The following CCDC88A variants were observed in gnomAD, a reference collection of about 807,000 sequenced individuals.
CCDC88A encodes girdin.
CCDC88A carries 54 observed loss-of-function variants against 234.3 expected under a neutral mutation model. The ratio of observed to expected loss-of-function variants is 0.23; its 90% CI spans 0.19 to 0.29. CCDC88A has a LOEUF of 0.29. Ranked by LOEUF, CCDC88A falls within the 10% of genes least tolerant of loss-of-function variation. CCDC88A has a pLI of 1.00. For synonymous variants in CCDC88A, 753 were observed against 737.8 expected, an observed-to-expected ratio of 1.02 and a Z score of -0.33; for missense variants, 1,832 against 2,123.4, an observed-to-expected ratio of 0.86 and a Z score of 2.70.
At chr2:55,346,386 A>C in intron 9 of CCDC88A, 53 bp from the exon 10 acceptor site, 1 of 1,017,004 alleles carries the variant, frequency 9.8e-7, no homozygotes, top group Non-Finnish European at 1.4e-6. Context: ...TCAACTTGTT[A>C]TTCTTTGTTG....
At chr2:55,303,880 C>CT (rs1273078968) in intron 25 of CCDC88A, among the ~76,000 whole-genome samples, 1 of 152,092 alleles carries the variant, frequency 6.6e-6, no homozygotes, top group Non-Finnish European at 1.5e-5. Context: ...ACTATTTTAA[C>CT]TTTTTAAACA....
At chr2:55,321,327 C>T (rs570252496) in intron 18 of CCDC88A, among the ~76,000 whole-genome samples, 1 of 151,924 alleles carries the variant, frequency 6.6e-6, no homozygotes, top group African/African-American at 2.4e-5. Flanking sequence ...CCAAGGTGGG[C>T]GGATCATGAG....
chr2:55,361,620 C>T lies in CCDC88A; in HGVS notation c.627+688G>A, dbSNP rs559398573. On this transcript the variant is annotated intron_variant, in intron 7 of 32. Coordinates refer to ENST00000436346, the MANE Select transcript of CCDC88A (RefSeq NM_001365480.1). Reference sequence around the variant, plus strand: ...CTCAAAACTGTCTCTCACATGTAAACGAAACTGATAAAAGCTATATATTCT... The same window carrying T: ...CTCAAAACTGTCTCTCACATGTAAATGAAACTGATAAAAGCTATATATTCT... Among the ~76,000 whole-genome samples the T allele has an allele frequency of 1.7e-4, 26 of 152,218 alleles. No individual in the cohort carries two copies. The South Asian group carries it at 3.5e-3, about 21-fold the overall frequency.
chr2:55,296,184 A>AT, intron 30 of CCDC88A, 74 bp downstream of exon 30: 2 of 1,472,378 alleles, frequency 1.4e-6, no homozygotes, highest in Non-Finnish European at 1.8e-6. Flanking sequence ...AAAAAAAAAA[A>AT]GCTCTGAAGT....
intron 2 of CCDC88A, chr2:55,418,431 G>C (rs1235399413): frequency 2.7e-5 from 5 of 188,628 alleles, no homozygotes; most frequent in African/African-American, 9.4e-5. Flanking sequence ...AGGTTAATAA[G>C]AAACATTTCT....
At position 55,388,840 on chromosome 2, in the gene CCDC88A, CATT is replaced by C. The variant is rs1676132154; in HGVS notation, c.208_210del (p.Asn70del). 6.5e-7 allele frequency: 1 copy of C among 1,540,268 alleles called. No individual in the cohort carries two copies. Among genetic ancestry groups the C allele is most frequent in the East Asian group, 2.4e-5 (1 of 42,280 alleles). Reference sequence around the variant, plus strand: ...AGATTGTGCATTCTAAGTGAGGCATCATTATTGACTTTTTTATTTACTCTCTGA... The same window carrying C: ...AGATTGTGCATTCTAAGTGAGGCATCATTGACTTTTTTATTTACTCTCTGA... On this transcript the variant is annotated inframe_deletion, in exon 3 of 33. Transcript: ENST00000436346.
intron 23 of CCDC88A, 111 bp downstream of exon 23, chr2:55,312,323 A>C: frequency 1.1e-6 from 1 of 923,444 alleles, no homozygotes; most frequent in Non-Finnish European, 1.6e-6. Flanking sequence ...GCACTCAAAA[A>C]TATTTGTTGA....
intron 16 of CCDC88A, chr2:55,331,870 C>G (rs1462315228): frequency 6.6e-6 from 1 of 152,014 alleles, no homozygotes; most frequent in African/African-American, 2.4e-5. Flanking sequence ...TTTAAGTCAA[C>G]ATTTTGGCAA....
chr2:55,326,234 C>T (rs1684246883), intron 17 of CCDC88A, among the ~76,000 whole-genome samples: 1 of 151,528 alleles, frequency 6.6e-6, no homozygotes, highest in Non-Finnish European at 1.5e-5. Context: ...CCAGGCTGGT[C>T]TCAAACCCCT....
rs1398591801 is a variant in CCDC88A, at chr2:55,288,756, T to TG, written c.*2443dup. 6.6e-6 allele frequency: 1 copy of TG among 152,194 alleles called. No individual in the cohort carries two copies. Among genetic ancestry groups the TG allele is most frequent in the East Asian group, 1.9e-4 (1 of 5,194 alleles). The allele number at this position is 152,194 out of a possible 1,614,324, so 9.4% of individuals were successfully genotyped here. A position where few individuals can be genotyped will look rare whatever the true frequency, so the allele number is the denominator to read the frequency against. ...TCAGTTTCCTTGAGGGGTTAGGTGTTGATTTAGAATACAGCCAGATAATTT... is the reference window on the plus strand; with the variant it reads ...TCAGTTTCCTTGAGGGGTTAGGTGTTGGATTTAGAATACAGCCAGATAATTT... On this transcript the variant is annotated 3_prime_UTR_variant, in exon 33 of 33. Coordinates refer to ENST00000436346, the MANE Select transcript of CCDC88A (RefSeq NM_001365480.1).
At chr2:55,336,161 T>G (rs1685441393) in intron 14 of CCDC88A, among the ~76,000 whole-genome samples, 1 of 152,180 alleles carries the variant, frequency 6.6e-6, no homozygotes, top group African/African-American at 2.4e-5. Flanking sequence ...GCCACTGCAC[T>G]CCAGCATGAG....
chr2:55,299,615 A>G (rs2589116), intron 29 of CCDC88A, among the ~76,000 whole-genome samples: 136,133 of 152,256 alleles, frequency 0.89, 61,557 homozygotes, highest in East Asian at 0.97. Flanking sequence ...ACTTTTATCT[A>G]TGAAGATGAA....
chr2:55,381,887 AAT>A (rs1277901358), intron 3 of CCDC88A, among the ~76,000 whole-genome samples: 2 of 152,216 alleles, frequency 1.3e-5, no homozygotes, highest in African/African-American at 4.8e-5. Flanking sequence ...AGAATTCTAA[AAT>A]ACACAGAAAT....
In CCDC88A at chr2:55,354,688, C is replaced by T. The variant is rs1227679630; in HGVS notation, c.800+891G>A. On this transcript the variant is annotated intron_variant, in intron 8 of 32. Transcript: ENST00000436346. ...AACCAATTCCCCTGCCTCAGCCTCC[C>T]GAGTAGCTGGGATTACAGGCGCACC... Among the ~76,000 whole-genome samples the T allele has an allele frequency of 2.0e-5, 3 of 151,540 alleles. 1 individual carries two copies. The highest frequency in any genetic ancestry group is 3.9e-4 in the East Asian group (2 of 5,128).
intron 2 of CCDC88A, among the ~76,000 whole-genome samples, chr2:55,402,026 C>T (rs1399017620): frequency 6.6e-6 from 1 of 151,948 alleles, no homozygotes; most frequent in Non-Finnish European, 1.5e-5. Context: ...TCAACTTAGC[C>T]CTTCAAATAT....
chr2:55,295,292 C>A, intron 31 of CCDC88A: 1 of 1,414,120 alleles, frequency 7.1e-7, no homozygotes, highest in South Asian at 1.2e-5. Flanking sequence ...TGATAACTGG[C>A]CTAGGAGGTA....
At chr2:55,321,174 T>C (rs1285694741) in intron 18 of CCDC88A, 2 of 150,902 alleles carry the variant, frequency 1.3e-5, no homozygotes, top group Admixed American at 6.6e-5. Context: ...AAAAAATCAA[T>C]TAAATACACA....
chr2:55,363,681 T>G lies in CCDC88A; in HGVS notation c.486+269A>C, dbSNP rs149995309. On this transcript the variant is annotated intron_variant, in intron 6 of 32. Transcript: ENST00000436346. ...TTTCCATTTACTGCTTTGTAATCCATTCTAACAAAGACATATACCTCATTC... is the reference window on the plus strand; with the variant it reads ...TTTCCATTTACTGCTTTGTAATCCAGTCTAACAAAGACATATACCTCATTC... 706 of 268,186 alleles carry G rather than the reference T, an allele frequency of 2.6e-3. 2 individuals are homozygous for G. The highest frequency in any genetic ancestry group is 7.9e-3 in the African/African-American group (361 of 45,546). 16.6% of individuals were successfully genotyped at this position (268,186 alleles called of 1,614,324 possible).
At chr2:55,402,707 ATTT>A (rs1558829465) in intron 2 of CCDC88A, among the ~76,000 whole-genome samples, 1 of 147,492 alleles carries the variant, frequency 6.8e-6, no homozygotes. Context: ...TTTTATTACT[ATTT>A]AAAAAAAAAA....
Sources: allele counts gnomAD v4.1 joint callset (sites outside exome capture counted in the v4.1 genomes callset), GRCh38; gene constraint gnomAD v4.1.1; transcripts MANE v1.5; gene names NCBI Gene and HGNC (gene_info 2026-07-23, HGNC 2026-07-21).